FAM149A: variants seen among roughly 807,000 people sequenced by gnomAD.
FAM149A encodes family with sequence similarity 149 member A, also known as protein FAM149A.
A neutral mutation model predicts 78.2 loss-of-function variants in FAM149A; 71 were observed. The observed-to-expected ratio is 0.91, with a 90% confidence interval of 0.75 to 1.11. The LOEUF is 1.11. Ranked by LOEUF, FAM149A falls within the 50% of genes least tolerant of loss-of-function variation. The probability of loss-of-function intolerance (pLI) is 0.00; values close to 1 mark genes in which losing one functional copy is unlikely to be tolerated. For synonymous variants in FAM149A, 446 were observed against 410.5 expected (o/e 1.09, Z -1.04); for missense variants, 1,036 against 971.0 (o/e 1.07, Z -0.89).
At chr4:186,146,317 G>T (rs1733029207) in intron 1 of FAM149A, 2 of 195,300 alleles carry the variant, frequency 1.0e-5, no homozygotes, top group African/African-American at 4.7e-5. Context: ...TGGAGTAGGG[G>T]AGTTTTAAGG....
intron 1 of FAM149A, among the ~76,000 whole-genome samples, chr4:186,135,610 A>C (rs959447030): frequency 2.0e-5 from 3 of 152,216 alleles, no homozygotes; most frequent in Non-Finnish European, 4.4e-5. Context: ...ACTTGCTAAC[A>C]TTGAACTCAC....
chr4:186,131,507 G>T (rs1249948140), intron 1 of FAM149A, among the ~76,000 whole-genome samples: 1 of 152,138 alleles, frequency 6.6e-6, no homozygotes, highest in Admixed American at 6.5e-5. Context: ...GGACTTCCAG[G>T]CTCCATAACT....
intron 11 of FAM149A, among the ~76,000 whole-genome samples, chr4:186,165,787 T>A (rs1461821773): frequency 6.6e-6 from 1 of 152,186 alleles, no homozygotes; most frequent in African/African-American, 2.4e-5. Context: ...CAGGTCCGCG[T>A]GGATCCTGCC....
chr4:186,159,845 G>A (rs1430305358), intron 8 of FAM149A, among the ~76,000 whole-genome samples: 3 of 151,778 alleles, frequency 2.0e-5, no homozygotes, highest in Admixed American at 2.0e-4. Flanking sequence ...ACACGGGTAA[G>A]GCAGGAGTCC....
chr4:186,120,793 C>CAAA (rs555497937), intron 1 of FAM149A, among the ~76,000 whole-genome samples: 21,105 of 65,708 alleles, frequency 0.32, 3,136 homozygotes, highest in East Asian at 0.38. Context: ...GACTCCATCT[C>CAAA]AAAAAAAAAA....
intron 5 of FAM149A, 110 bp downstream of exon 5, chr4:186,153,880 G>A: frequency 8.0e-7 from 1 of 1,257,280 alleles, no homozygotes; most frequent in East Asian, 2.4e-5. Context: ...TGGAAATTTA[G>A]ATTCTGATGA....
intron 11 of FAM149A, among the ~76,000 whole-genome samples, chr4:186,165,805 C>CTCTCT (rs1734984089): frequency 6.6e-6 from 1 of 152,178 alleles, no homozygotes; most frequent in African/African-American, 2.4e-5. Flanking sequence ...GCCACAGAAA[C>CTCTCT]TCTCTTCTAT....
intron 1 of FAM149A, among the ~76,000 whole-genome samples, chr4:186,127,895 C>T (rs1241691559): frequency 5.3e-5 from 8 of 151,334 alleles, no homozygotes; most frequent in Non-Finnish European, 1.2e-4. Flanking sequence ...ACCATGTTGG[C>T]CAGGCTGGTC....
chr4:186,118,011 C>T (rs2099314440), intron 1 of FAM149A: 10 of 985,284 alleles, frequency 1.0e-5, no homozygotes, highest in Non-Finnish European at 1.2e-5. Flanking sequence ...GAGGAGTTCA[C>T]TCTGGGATAC....
rs186806445 is a variant in FAM149A at position 186,118,573 on chromosome 4, T to G, written c.566+12931T>G. On this transcript the variant is annotated intron_variant, in intron 1 of 13. Transcript: ENST00000389354. ...ACACTACAGATAGTTTGAAGAACAC[T>G]GAGGTAGACTTTATTAAGATACCTT... 7.9e-5 allele frequency among the ~76,000 whole-genome samples: 12 copies of G among 152,250 alleles called. No individual in the cohort carries two copies. In the East Asian group the frequency reaches 2.3e-3, roughly 29 times the overall value.
At chr4:186,110,321 G>T (rs10029397) in intron 1 of FAM149A, 970,997 of 985,216 alleles carry the variant, frequency 0.99, 478,528 homozygotes, top group East Asian at 1. Flanking sequence ...AGTAATGCTT[G>T]CTGCTGGGAC....
rs1734863219 is a variant in FAM149A at position 186,164,506 on chromosome 4, C to T, written c.1890-838C>T. ...GACTTTTTCCAGATGCAGTCATAAC[C>T]CCCCTTTCAGCTTTTTAATTGGTGA... On this transcript the variant is annotated intron_variant, in intron 10 of 13. Transcript: ENST00000389354. The surrounding 1 kb of genome is among the most constrained non-coding windows in gnomAD (Gnocchi z 4.0). 5.1e-6 allele frequency: 5 copies of T among 984,698 alleles called. No homozygotes were observed. Among genetic ancestry groups the T allele is most frequent in the Middle Eastern group, 5.2e-4 (1 of 1,914 alleles). 61.0% of individuals were successfully genotyped at this position (984,698 alleles called of 1,614,324 possible).
intron 5 of FAM149A, among the ~76,000 whole-genome samples, chr4:186,154,214 G>C (rs1163044819): frequency 6.6e-6 from 1 of 152,174 alleles, no homozygotes; most frequent in African/African-American, 2.4e-5. Flanking sequence ...ACACAATGCA[G>C]TCCTTTCACT....
intron 6 of FAM149A, chr4:186,155,036 G>A: frequency 3.0e-6 from 2 of 670,608 alleles, no homozygotes; most frequent in Non-Finnish European, 3.7e-6. Flanking sequence ...GAGCTCGGCT[G>A]ACTGCAAACT....
At position 186,132,909 on chromosome 4, in the gene FAM149A, T is replaced by C. The variant is rs932611742; in HGVS notation, c.567-16264T>C. ...TTTGCTTTCACAGTCTTTCCCTAAA[T>C]TCATGTTCATGTTAAGCCCTGAACC... On this transcript the variant is annotated intron_variant, in intron 1 of 13. Coordinates refer to ENST00000389354, the MANE Select transcript of FAM149A (RefSeq NM_001367768.3). 27 of 948,478 alleles carry C rather than the reference T, an allele frequency of 2.8e-5. No individual in the cohort carries two copies. In the South Asian group the frequency reaches 1.2e-3, roughly 41 times the overall value. 58.8% of individuals were successfully genotyped at this position (948,478 alleles called of 1,614,324 possible).
chr4:186,140,873 A>G (rs1469775867), intron 1 of FAM149A, among the ~76,000 whole-genome samples: 1 of 152,264 alleles, frequency 6.6e-6, no homozygotes. Context: ...ATATTTGTAT[A>G]TATCTGTATA....
chr4:186,105,472 C>T lies in FAM149A; in HGVS notation c.396C>T (p.Gly132=), dbSNP rs13146756. ...TGGTCCCAGCGCGGCCGCCCTCGGG[C>T]CCCGGCGGGGTCTGGGCCGCGCTCC... Residue 132 remains glycine (G), a synonymous_variant, in exon 1 of 14, where the codon GGC becomes GGT. Transcript: ENST00000389354. 0.13 allele frequency: 159,359 copies of T among 1,213,028 alleles called. 11,086 individuals are homozygous for T. Among genetic ancestry groups the T allele is most frequent in the Non-Finnish European group, 0.14 (132,564 of 957,458 alleles). 75.1% of individuals were successfully genotyped at this position (1,213,028 alleles called of 1,614,324 possible). A position where few individuals can be genotyped will look rare whatever the true frequency, so the allele number is the denominator to read the frequency against.
intron 1 of FAM149A, 33 bp downstream of exon 1, chr4:186,105,675 T>A: frequency 1.9e-6 from 2 of 1,033,150 alleles, no homozygotes; most frequent in South Asian, 6.0e-5. Flanking sequence ...CGCGTGTACC[T>A]TTTGCCGGGA....
chr4:186,116,553 C>T (rs1021978313), intron 1 of FAM149A: 1 of 984,854 alleles, frequency 1.0e-6, no homozygotes, highest in African/African-American at 1.8e-5. Flanking sequence ...TATGCGTAGG[C>T]TTTTGCTTTA....
Sources: gnomAD v4.1 joint callset for allele counts (sites outside exome capture counted in the v4.1 genomes callset) on GRCh38, gnomAD v4.1.1 for gene constraint, Gnocchi (gnomAD v3.1) non-coding constraint, MANE v1.5 for transcripts, NCBI Gene and HGNC (gene_info 2026-07-23, HGNC 2026-07-21) for gene names.